PREP: variants seen among roughly 807,000 people sequenced by gnomAD.
PREP encodes dJ355L5.1 (prolyl endopeptidase).
PREP carries 29 observed loss-of-function variants against 87.6 expected under a neutral mutation model. The ratio of observed to expected loss-of-function variants is 0.33; its 90% CI spans 0.25 to 0.45. PREP has a LOEUF of 0.45. Ranked by LOEUF, PREP falls within the 20% of genes least tolerant of loss-of-function variation. PREP has a pLI of 1.00. For synonymous variants in PREP, 337 were observed against 328.6 expected, an observed-to-expected ratio of 1.03 and a Z score of -0.28; for missense variants, 695 against 886.5, an observed-to-expected ratio of 0.78 and a Z score of 2.74.
At position 105,377,431 on chromosome 6, in the gene PREP, A is replaced by C; in HGVS notation, c.209T>G (p.Leu70Arg). The C allele has an allele frequency of 6.2e-7, 1 of 1,613,688 alleles. No individual in the cohort carries two copies. Among genetic ancestry groups the C allele is most frequent in the Non-Finnish European group, 8.5e-7 (1 of 1,179,698 alleles). ...GCAACTATACTTGGGATAATCATATAGTTCAGTCATTCTCTCTTTGTATAA... is the reference window on the plus strand; with the variant it reads ...GCAACTATACTTGGGATAATCATATCGTTCAGTCATTCTCTCTTTGTATAA... ...RGLYKERMTE[L>R]YDYPKYSCHF... The change falls in exon 3 of 15, where the codon CTA becomes CGA. Residue 70 changes from leucine to arginine, a missense_variant. Transcript: ENST00000652536.
At chr6:105,399,725 T>G (rs1484353504) in intron 1 of PREP, among the ~76,000 whole-genome samples, 1 of 152,236 alleles carries the variant, frequency 6.6e-6, no homozygotes, top group Non-Finnish European at 1.5e-5. Context: ...CAATCTGCTT[T>G]TCCTAGCATT....
intron 2 of PREP, among the ~76,000 whole-genome samples, chr6:105,386,073 T>C (rs1772987316): frequency 6.6e-6 from 1 of 152,180 alleles, no homozygotes; most frequent in Non-Finnish European, 1.5e-5. Context: ...TGAGCCGAGA[T>C]AGCACCATTG....
intron 10 of PREP, among the ~76,000 whole-genome samples, chr6:105,310,934 C>T (rs1437582778): frequency 6.6e-6 from 1 of 152,318 alleles, no homozygotes; most frequent in Admixed American, 6.5e-5. Context: ...TCCTACACAA[C>T]CCACTGCCAA....
chr6:105,375,960 T>G (rs1772675810), intron 4 of PREP, among the ~76,000 whole-genome samples, 165 bp downstream of exon 4: 5 of 152,226 alleles, frequency 3.3e-5, no homozygotes, highest in Non-Finnish European at 5.9e-5. Context: ...TCATGTATTC[T>G]AAATATACTG....
chr6:105,305,699 A>G (rs2114630287), intron 10 of PREP, among the ~76,000 whole-genome samples: 1 of 152,294 alleles, frequency 6.6e-6, no homozygotes, highest in South Asian at 2.1e-4. Flanking sequence ...AAATCTTATC[A>G]GTCAAATCAT....
chr6:105,349,944 A>G (rs1165504437), intron 7 of PREP, among the ~76,000 whole-genome samples: 2 of 145,974 alleles, frequency 1.4e-5, no homozygotes, highest in Admixed American at 6.8e-5. Flanking sequence ...CCTAGGAGTT[A>G]GTCATGGTCA....
At chr6:105,331,222 T>C (rs1053475681) in intron 8 of PREP, among the ~76,000 whole-genome samples, 9 of 152,182 alleles carry the variant, frequency 5.9e-5, no homozygotes, top group Non-Finnish European at 2.9e-5. Flanking sequence ...TCTCTTTAAA[T>C]TGATGAGTTC....
intron 6 of PREP, among the ~76,000 whole-genome samples, chr6:105,366,880 A>G (rs1272258398): frequency 6.6e-6 from 1 of 152,258 alleles, no homozygotes; most frequent in African/African-American, 2.4e-5. Flanking sequence ...CAGAGCAGTC[A>G]AATACAAAGG....
At chr6:105,335,421 T>A (rs565556324) in intron 7 of PREP, among the ~76,000 whole-genome samples, 1 of 152,238 alleles carries the variant, frequency 6.6e-6, no homozygotes, top group African/African-American at 2.4e-5. Flanking sequence ...TATCTTCATA[T>A]AATTTGTTAC....
chr6:105,309,669 G>A (rs1000085570), intron 10 of PREP, among the ~76,000 whole-genome samples: 1 of 152,100 alleles, frequency 6.6e-6, no homozygotes, highest in African/African-American at 2.4e-5. Flanking sequence ...TCTCACAGAA[G>A]GAGAGCAAGG....
intron 4 of PREP, among the ~76,000 whole-genome samples, 156 bp from the exon 5 acceptor site, chr6:105,373,734 C>T (rs1283738940): frequency 2.6e-5 from 4 of 152,200 alleles, no homozygotes; most frequent in Non-Finnish European, 4.4e-5. Flanking sequence ...GGGGCTCAGC[C>T]CAAGTTTTAC....
chr6:105,384,192 A>T (rs1366316335), intron 2 of PREP, among the ~76,000 whole-genome samples: 1 of 152,118 alleles, frequency 6.6e-6, no homozygotes, highest in Non-Finnish European at 1.5e-5. Flanking sequence ...CAGGACCTCA[A>T]GCAGGTGAGG....
chr6:105,279,313 G>A (rs1323113602), intron 14 of PREP, among the ~76,000 whole-genome samples: 1 of 152,068 alleles, frequency 6.6e-6, no homozygotes, highest in African/African-American at 2.4e-5. Context: ...CCAACGTGAG[G>A]CCAAAACATT....
intron 11 of PREP, 90 bp downstream of exon 11, chr6:105,288,668 T>A: frequency 6.6e-7 from 1 of 1,512,574 alleles, no homozygotes; most frequent in Non-Finnish European, 9.0e-7. Flanking sequence ...GTAATGTATT[T>A]TAGAAAGTTG....
At chr6:105,310,847 T>C (rs971426141) in intron 10 of PREP, among the ~76,000 whole-genome samples, 8 of 152,190 alleles carry the variant, frequency 5.3e-5, no homozygotes, top group African/African-American at 1.9e-4. Context: ...AACTCCCTAT[T>C]TGACACTGCC....
Position 105,402,696 on chromosome 6 carries a change from C to T in PREP, c.45+151G>A, listed in dbSNP as rs1773466978. On this transcript the variant is annotated intron_variant, in intron 1 of 14. Transcript: ENST00000652536. ...CCAGCGCTGCAGAGGAGCCCCGCGC[C>T]CCCGGCCCAATTCTCCCAAACAAAG... 4 of 674,072 alleles carry T rather than the reference C, an allele frequency of 5.9e-6. No individual in the cohort carries two copies. The East Asian group carries it at 1.4e-4, about 24-fold the overall frequency. 41.8% of individuals were successfully genotyped at this position (674,072 alleles called of 1,614,324 possible). A position where few individuals can be genotyped will look rare whatever the true frequency, so the allele number is the denominator to read the frequency against.
At chr6:105,279,457 T>C (rs186392451) in intron 14 of PREP, among the ~76,000 whole-genome samples, 1 of 152,362 alleles carries the variant, frequency 6.6e-6, no homozygotes, top group East Asian at 1.9e-4. Flanking sequence ...ACCCTGCCTG[T>C]TAATAATAAC....
chr6:105,280,256 G>T (rs901724115), intron 14 of PREP, among the ~76,000 whole-genome samples: 12 of 152,100 alleles, frequency 7.9e-5, no homozygotes, highest in Non-Finnish European at 1.8e-4. Flanking sequence ...GAGCCGAGAT[G>T]GCGCCATTCC....
chr6:105,353,162 A>C, intron 6 of PREP, 85 bp from the exon 7 acceptor site: 2 of 1,156,876 alleles, frequency 1.7e-6, no homozygotes, highest in South Asian at 1.4e-5. Context: ...TAAAAAATTA[A>C]GGTTAATTTT....
Sources: gnomAD v4.1 joint callset for allele counts (sites outside exome capture counted in the v4.1 genomes callset) on GRCh38, gnomAD v4.1.1 for gene constraint, MANE v1.5 for transcripts, NCBI Gene and HGNC (gene_info 2026-07-23, HGNC 2026-07-21) for gene names.